Variants in DGKB observed in about 807,000 individuals in gnomAD.
DGKB encodes diacylglycerol kinase beta, also known as 90 kDa diacylglycerol kinase.
DGKB carries 67 observed loss-of-function variants against 114.3 expected under a neutral mutation model. That is an observed-to-expected ratio of 0.59 (90% CI 0.48 to 0.72). The LOEUF (loss-of-function observed/expected upper bound fraction) is 0.72. Among genes scored for constraint, DGKB ranks in the 30% least tolerant of loss-of-function variants. DGKB has a pLI of 0.00. For synonymous variants in DGKB, 398 were observed against 323.1 expected, an observed-to-expected ratio of 1.23 and a Z score of -2.49; for missense variants, 907 against 975.2, an observed-to-expected ratio of 0.93 and a Z score of 0.93.
intron 23 of DGKB, among the ~76,000 whole-genome samples, chr7:14,257,280 A>T (rs1409594204): frequency 6.6e-6 from 1 of 152,176 alleles, no homozygotes; most frequent in Admixed American, 6.5e-5. Flanking sequence ...CTGAACACGA[A>T]ATGCATTTAC....
rs541995445 is a variant in DGKB, at chr7:14,705,821, A to C, written c.467-4091T>G. Among the ~76,000 whole-genome samples, 422 of 152,290 alleles carry C rather than the reference A, an allele frequency of 2.8e-3. 2 individuals carry two copies. The highest frequency in any genetic ancestry group is 9.8e-3 in the African/African-American group (408 of 41,554). On this transcript the variant is annotated intron_variant, in intron 6 of 25. Transcript: ENST00000402815. Reference sequence around the variant, plus strand: ...AAAAGAGCTCCTGAAGGAAGCGCTAAATATGGAAAGGAACAACCAGTACCA... The same window carrying C: ...AAAAGAGCTCCTGAAGGAAGCGCTACATATGGAAAGGAACAACCAGTACCA...
intron 23 of DGKB, among the ~76,000 whole-genome samples, chr7:14,296,760 GTTTTTTT>G (rs56367420): frequency 1.5e-4 from 15 of 100,834 alleles, no homozygotes; most frequent in African/African-American, 6.0e-4. Flanking sequence ...TCCAGGGACT[GTTTTTTT>G]TTTTTTTTTT....
At chr7:14,449,611 C>A (rs929171186) in intron 21 of DGKB, among the ~76,000 whole-genome samples, 4 of 151,998 alleles carry the variant, frequency 2.6e-5, no homozygotes, top group African/African-American at 9.7e-5. Flanking sequence ...CTTTCAATTG[C>A]CTATAATATC....
At chr7:14,157,152 T>G (rs558991729) in intron 25 of DGKB, among the ~76,000 whole-genome samples, 1 of 152,132 alleles carries the variant, frequency 6.6e-6, no homozygotes, top group Non-Finnish European at 1.5e-5. Context: ...ATAAAATATC[T>G]GTGAGTAGAG....
chr7:14,675,670 T>C (rs112575497), intron 12 of DGKB, among the ~76,000 whole-genome samples: 140 of 151,852 alleles, frequency 9.2e-4, no homozygotes, highest in African/African-American at 3.0e-3. Flanking sequence ...GTCTAGGCGG[T>C]CGTAAGGCAC....
chr7:14,657,825 G>C (rs1158938886), intron 13 of DGKB, among the ~76,000 whole-genome samples: 1 of 151,850 alleles, frequency 6.6e-6, no homozygotes, highest in Non-Finnish European at 1.5e-5. Flanking sequence ...CCTTGAATTA[G>C]CTGATGTGTA....
At chr7:14,489,260 G>A (rs572413419) in intron 20 of DGKB, among the ~76,000 whole-genome samples, 136 of 152,206 alleles carry the variant, frequency 8.9e-4, no homozygotes, top group African/African-American at 3.1e-3. Flanking sequence ...ATATAGCTAA[G>A]ATATTTACTA....
intron 1 of DGKB, among the ~76,000 whole-genome samples, chr7:14,896,467 CAAT>C (rs1782119566): frequency 6.6e-6 from 1 of 151,306 alleles, no homozygotes; most frequent in South Asian, 2.1e-4. Flanking sequence ...TTTGTAGCCT[CAAT>C]AAATATTTTA....
At chr7:14,462,872 T>C (rs865929730) in intron 21 of DGKB, among the ~76,000 whole-genome samples, 19 of 152,244 alleles carry the variant, frequency 1.2e-4, no homozygotes, top group African/African-American at 4.1e-4. Context: ...CAAAACAGCA[T>C]GGTACTGGTA....
At chr7:14,460,958 A>G (rs1352950332) in intron 21 of DGKB, among the ~76,000 whole-genome samples, 2 of 149,918 alleles carry the variant, frequency 1.3e-5, no homozygotes, top group Non-Finnish European at 2.9e-5. Flanking sequence ...ACCCAAAACT[A>G]CACAACTACA....
chr7:14,893,691 G>C (rs996535937), intron 1 of DGKB, among the ~76,000 whole-genome samples: 1 of 151,268 alleles, frequency 6.6e-6, no homozygotes, highest in Non-Finnish European at 1.5e-5. Context: ...GAGGATAAAA[G>C]AATAATGATT....
At chr7:14,665,277 G>A (rs1346760316) in intron 13 of DGKB, among the ~76,000 whole-genome samples, 1 of 151,868 alleles carries the variant, frequency 6.6e-6, no homozygotes, top group African/African-American at 2.4e-5. Flanking sequence ...AACTAATGTA[G>A]GAACAGAAAA....
At chr7:14,224,107 A>T (rs1041898148) in intron 23 of DGKB, among the ~76,000 whole-genome samples, 1 of 151,714 alleles carries the variant, frequency 6.6e-6, no homozygotes, top group Non-Finnish European at 1.5e-5. Flanking sequence ...TAGCCTTTTT[A>T]AAAAATATTT....
rs117580122 is a variant in DGKB at position 14,412,655 on chromosome 7, A to T, written c.1835+65506T>A. Among the ~76,000 whole-genome samples the T allele has an allele frequency of 6.2e-4, 94 of 152,280 alleles. 1 individual carries two copies. The East Asian group carries it at 0.014, about 23-fold the overall frequency. ...ATGATCAGAGATCTGTTAGGAAAAC[A>T]TCACTTTAACTATAGACTGAGGGAG... is the stretch of plus-strand genomic sequence containing the variant. On this transcript the variant is annotated intron_variant, in intron 21 of 25. Transcript: ENST00000402815.
intron 6 of DGKB, among the ~76,000 whole-genome samples, chr7:14,706,303 C>A: frequency 7.2e-6 from 1 of 139,526 alleles, no homozygotes; most frequent in Non-Finnish European, 1.6e-5. Context: ...CAGGAGCACC[C>A]AGATTCATAA....
intron 23 of DGKB, among the ~76,000 whole-genome samples, chr7:14,250,685 C>T (rs575333732): frequency 8.5e-5 from 13 of 152,236 alleles, no homozygotes; most frequent in African/African-American, 2.9e-4. Flanking sequence ...TAGAAGCCCA[C>T]TGTTTCCTTA....
rs369172767 is a variant in DGKB, at chr7:14,645,201, G to T, written c.1135-14933C>A. ...ACTCACAAATGGCTACCTGTTTAGG[G>T]GTCCTCTCTCATTGCCGAGAGCTTT... On this transcript the variant is annotated intron_variant, in intron 13 of 25. Transcript: ENST00000402815. Among the ~76,000 whole-genome samples, 72 of 152,088 alleles carry T rather than the reference G, an allele frequency of 4.7e-4. 1 individual carries two copies. The highest frequency in any genetic ancestry group is 1.5e-3 in the African/African-American group (64 of 41,514).
intron 20 of DGKB, among the ~76,000 whole-genome samples, chr7:14,488,613 A>G (rs554425691): frequency 3.7e-4 from 56 of 150,856 alleles, no homozygotes; most frequent in African/African-American, 1.3e-3. Context: ...TGAGGTCAGG[A>G]GTTCGAGACC....
At chr7:14,476,607 T>C (rs1028282703) in intron 21 of DGKB, among the ~76,000 whole-genome samples, 1 of 152,138 alleles carries the variant, frequency 6.6e-6, no homozygotes, top group African/African-American at 2.4e-5. Context: ...TATATGCATT[T>C]ATTTCATTTT....
Sources: allele counts gnomAD v4.1 joint callset (sites outside exome capture counted in the v4.1 genomes callset), GRCh38; gene constraint gnomAD v4.1.1; transcripts MANE v1.5; gene names NCBI Gene and HGNC (gene_info 2026-07-23, HGNC 2026-07-21).